TRMT11: variants seen among roughly 807,000 people sequenced by gnomAD.
The protein encoded by TRMT11 is tRNA (guanine(10)-N(2))-methyltransferase TRMT11.
Under a neutral mutation model 62.8 loss-of-function variants are expected in TRMT11, and 53 were observed. The observed-to-expected ratio is 0.84, with a 90% CI of 0.68 to 1.06. The LOEUF (loss-of-function observed/expected upper bound fraction) is 1.06, where lower values mean the gene tolerates loss of function less well. Ranked by LOEUF, TRMT11 falls within the 50% of genes least tolerant of loss-of-function variation. TRMT11 has a pLI of 0.00. For synonymous variants in TRMT11, 188 were observed against 190.3 expected (o/e 0.99, Z 0.10); for missense variants, 556 against 553.4 (o/e 1.00, Z -0.05).
chr6:126,156,619 C>T (rs1019091550), intron 21 of TRMT11, among the ~76,000 whole-genome samples: 5 of 152,184 alleles, frequency 3.3e-5, no homozygotes, highest in African/African-American at 4.8e-5. Context: ...CATGATTCTG[C>T]AGGCTGTACA....
intron 17 of TRMT11, among the ~76,000 whole-genome samples, chr6:126,104,680 C>T (rs1382383886): frequency 6.6e-6 from 1 of 152,208 alleles, no homozygotes; most frequent in Non-Finnish European, 1.5e-5. Flanking sequence ...GTCAAATTTG[C>T]AGGAAGCAGT....
intron 21 of TRMT11, among the ~76,000 whole-genome samples, chr6:126,168,001 G>A (rs548775656): frequency 6.6e-6 from 1 of 152,344 alleles, no homozygotes; most frequent in South Asian, 2.1e-4. Flanking sequence ...ACTTGGGTCA[G>A]TGTCTCCCAT....
chr6:125,999,160 GATT>G (rs1029368722), intron 6 of TRMT11, among the ~76,000 whole-genome samples: 1 of 152,104 alleles, frequency 6.6e-6, no homozygotes, highest in African/African-American at 2.4e-5. Context: ...TTATGTTAGA[GATT>G]ATTGTTATGT....
intron 1 of TRMT11, among the ~76,000 whole-genome samples, chr6:126,188,727 A>G (rs1778556359): frequency 6.6e-6 from 1 of 152,204 alleles, no homozygotes. Context: ...AGCCTTGTTA[A>G]GTCAGCCACT....
chr6:126,222,044 C>G, the TRMT11 span, among the ~76,000 whole-genome samples: 225 of 152,294 alleles, frequency 1.5e-3, 1 homozygote, highest in Middle Eastern at 3.4e-3. Flanking sequence ...GCCAGTTATT[C>G]TAGCACCATT....
chr6:126,265,797 T>C, the TRMT11 span, among the ~76,000 whole-genome samples: 1 of 152,170 alleles, frequency 6.6e-6, no homozygotes, highest in East Asian at 1.9e-4. Flanking sequence ...CTCTGTATGC[T>C]AGTTGTGAAA....
chr6:126,025,719 T>G (rs985612302), intron 12 of TRMT11, among the ~76,000 whole-genome samples: 1 of 152,348 alleles, frequency 6.6e-6, no homozygotes, highest in South Asian at 2.1e-4. Context: ...CAAATTATTC[T>G]TGGGCTTGTT....
At chr6:126,159,154 T>C (rs770007442) in intron 21 of TRMT11, among the ~76,000 whole-genome samples, 23 of 152,112 alleles carry the variant, frequency 1.5e-4, no homozygotes, top group Non-Finnish European at 2.5e-4. Flanking sequence ...GATGTGACCG[T>C]GTAACTAATT....
chr6:126,171,967 C>T (rs954108161), intron 21 of TRMT11, among the ~76,000 whole-genome samples: 3 of 152,110 alleles, frequency 2.0e-5, no homozygotes, highest in African/African-American at 7.2e-5. Context: ...GATCCACCCG[C>T]CTCAGCCTCC....
chr6:125,986,981 G>C (rs1268913946), intron 1 of TRMT11: 1 of 256,080 alleles, frequency 3.9e-6, no homozygotes, highest in Non-Finnish European at 7.4e-6. Context: ...TGGAATCTGC[G>C]GATCAAGCTC....
intron 21 of TRMT11, among the ~76,000 whole-genome samples, chr6:126,168,109 G>A (rs189886246): frequency 8.9e-4 from 135 of 152,298 alleles, no homozygotes; most frequent in African/African-American, 3.1e-3. Context: ...AGGAGACTAG[G>A]AGCTGGTTAT....
the TRMT11 span, among the ~76,000 whole-genome samples, chr6:126,212,322 T>G: frequency 2.0e-5 from 3 of 152,142 alleles, no homozygotes; most frequent in African/African-American, 7.2e-5. Context: ...GTAGCTGTAT[T>G]TTTAGCTTAT....
At position 126,151,830 on chromosome 6, in the gene TRMT11, C is replaced by CTTTCTTTCTTTCTTTCTTTCTTTG. The variant is rs1562334743; in HGVS notation, c.*1824-22972_*1824-22971insGTTTCTTTCTTTCTTTCTTTCTTT. On this transcript the variant is annotated intron_variant and NMD_transcript_variant, in intron 21 of 22. Transcript: ENST00000648977. Reference sequence around the variant, plus strand: ...CTTTTCTTTCTTTCTTTCTTTCTTTCTTTCTTTCTTTCTTTCTTTCTTTCT... The same window carrying CTTTCTTTCTTTCTTTCTTTCTTTG: ...CTTTTCTTTCTTTCTTTCTTTCTTTCTTTCTTTCTTTCTTTCTTTCTTTGTTTCTTTCTTTCTTTCTTTCTTTCT... Among the ~76,000 whole-genome samples the CTTTCTTTCTTTCTTTCTTTCTTTG allele has an allele frequency of 6.2e-4, 70 of 112,328 alleles. 6 individuals carry two copies. Among genetic ancestry groups the CTTTCTTTCTTTCTTTCTTTCTTTG allele is most frequent in the African/African-American group, 2.5e-3 (67 of 26,584 alleles). The allele number at this position is 112,328 out of a possible 152,430, so 73.7% of individuals were successfully genotyped here.
At chr6:126,236,170 A>T in the TRMT11 span, among the ~76,000 whole-genome samples, 1 of 152,246 alleles carries the variant, frequency 6.6e-6, no homozygotes, top group African/African-American at 2.4e-5. Context: ...TTGACATTGT[A>T]TAGGAGATAG....
At chr6:126,090,526 CTT>C (rs1777262271) in intron 17 of TRMT11, among the ~76,000 whole-genome samples, 1 of 152,098 alleles carries the variant, frequency 6.6e-6, no homozygotes, top group Non-Finnish European at 1.5e-5. Context: ...TAGACAAAGC[CTT>C]CTCTGGAAGC....
At chr6:126,030,191 T>G (rs1339687077) in intron 12 of TRMT11, among the ~76,000 whole-genome samples, 1 of 152,210 alleles carries the variant, frequency 6.6e-6, no homozygotes, top group Non-Finnish European at 1.5e-5. Context: ...GGAAATGGCC[T>G]GGTGCTGTTT....
At chr6:126,225,719 G>A in the TRMT11 span, among the ~76,000 whole-genome samples, 1 of 133,310 alleles carries the variant, frequency 7.5e-6, no homozygotes, top group Non-Finnish European at 1.5e-5. Context: ...TTGAGATGGA[G>A]TCTTGGTCTG....
intron 17 of TRMT11, among the ~76,000 whole-genome samples, chr6:126,108,352 C>T (rs1370077295): frequency 1.3e-5 from 2 of 152,196 alleles, no homozygotes; most frequent in African/African-American, 4.8e-5. Flanking sequence ...GATGTGAACT[C>T]ATTAAGGATA....
the TRMT11 span, among the ~76,000 whole-genome samples, chr6:126,251,529 A>C: frequency 6.6e-6 from 1 of 152,132 alleles, no homozygotes; most frequent in Non-Finnish European, 1.5e-5. Context: ...ACATTGTTTT[A>C]TTAACTGTAA....
Sources: gnomAD v4.1 joint callset for allele counts (sites outside exome capture counted in the v4.1 genomes callset) on GRCh38, gnomAD v4.1.1 for gene constraint, MANE v1.5 for transcripts, NCBI Gene and HGNC (gene_info 2026-07-23, HGNC 2026-07-21) for gene names.